Variants in AGMO observed in about 807,000 individuals in gnomAD.
AGMO encodes the protein glyceryl-ether monooxygenase.
Under a neutral mutation model 60.2 loss-of-function variants are expected in AGMO, and 75 were observed. The observed-to-expected ratio is 1.25, with a 90% CI of 1.03 to 1.51. AGMO has a LOEUF of 1.51. AGMO is among the 40% of genes most tolerant of loss of function. The pLI is 0.00. For synonymous variants in AGMO, 261 were observed against 177.1 expected (o/e 1.47, Z -3.76); for missense variants, 763 against 525.5 (o/e 1.45, Z -4.42).
intron 3 of AGMO, among the ~76,000 whole-genome samples, chr7:15,507,383 C>G (rs1783542400): frequency 6.6e-6 from 1 of 151,984 alleles, no homozygotes; most frequent in Non-Finnish European, 1.5e-5. Context: ...ATCTTGTCCA[C>G]AAAGTCAAAC....
At chr7:15,181,831 C>T in the AGMO span, among the ~76,000 whole-genome samples, 2 of 152,096 alleles carry the variant, frequency 1.3e-5, no homozygotes, top group African/African-American at 4.8e-5. Flanking sequence ...TGACATAGAA[C>T]TCAGGGATTT....
intron 3 of AGMO, among the ~76,000 whole-genome samples, chr7:15,536,393 C>A (rs76905828): frequency 1.3e-5 from 2 of 151,804 alleles, no homozygotes; most frequent in Non-Finnish European, 2.9e-5. Context: ...GTACTTTTAC[C>A]AGCATCATCA....
At chr7:15,495,856 CT>C (rs1783213573) in intron 3 of AGMO, among the ~76,000 whole-genome samples, 50 of 145,982 alleles carry the variant, frequency 3.4e-4, no homozygotes, top group South Asian at 2.0e-3. Context: ...TCTCTCTCCT[CT>C]CTCTCTCTCC....
chr7:15,505,219 T>G (rs1783481015), intron 3 of AGMO, among the ~76,000 whole-genome samples: 1 of 152,018 alleles, frequency 6.6e-6, no homozygotes, highest in Admixed American at 6.6e-5. Flanking sequence ...AGAGCTATGA[T>G]GTTTACTTAA....
chr7:15,254,452 G>C (rs1199904370), intron 12 of AGMO, among the ~76,000 whole-genome samples: 1 of 152,024 alleles, frequency 6.6e-6, no homozygotes, highest in Non-Finnish European at 1.5e-5. Flanking sequence ...GGTGATATCT[G>C]ATTGTGGTTT....
At chr7:15,229,110 A>G (rs1583309245) in intron 12 of AGMO, among the ~76,000 whole-genome samples, 1 of 152,206 alleles carries the variant, frequency 6.6e-6, no homozygotes, top group South Asian at 2.1e-4. Context: ...CCCTGCCTCC[A>G]GTTCAACCAA....
At chr7:15,237,853 C>T (rs533288367) in intron 12 of AGMO, among the ~76,000 whole-genome samples, 9 of 152,162 alleles carry the variant, frequency 5.9e-5, no homozygotes, top group African/African-American at 2.2e-4. Flanking sequence ...TATTTCTCTG[C>T]CCCTTTGAAT....
intron 10 of AGMO, among the ~76,000 whole-genome samples, chr7:15,378,800 A>C (rs1334188522): frequency 6.6e-6 from 1 of 151,488 alleles, no homozygotes; most frequent in Non-Finnish European, 1.5e-5. Flanking sequence ...ATTAAAATCC[A>C]ACAGAATTTA....
At chr7:15,140,080 A>G in the AGMO span, among the ~76,000 whole-genome samples, 2 of 151,108 alleles carry the variant, frequency 1.3e-5, no homozygotes, top group Non-Finnish European at 3.0e-5. Flanking sequence ...AGGAAATAAA[A>G]TATAAATTAT....
At chr7:15,218,005 T>A (rs1385616616) in intron 12 of AGMO, among the ~76,000 whole-genome samples, 1 of 151,950 alleles carries the variant, frequency 6.6e-6, no homozygotes, top group South Asian at 2.1e-4. Flanking sequence ...TGACAACGAA[T>A]ATACTGCATA....
chr7:15,494,892 T>C (rs1783182594), intron 3 of AGMO, among the ~76,000 whole-genome samples: 1 of 152,196 alleles, frequency 6.6e-6, no homozygotes, highest in Non-Finnish European at 1.5e-5. Context: ...ACTTACTAAA[T>C]GCAAGTTTTG....
At chr7:15,383,104 C>T (rs1783760046) in intron 10 of AGMO, among the ~76,000 whole-genome samples, 2 of 151,852 alleles carry the variant, frequency 1.3e-5, no homozygotes, top group African/African-American at 4.8e-5. Flanking sequence ...GGACCACATA[C>T]ATAGATTCGT....
chr7:15,309,025 C>T (rs1413616831), intron 12 of AGMO, among the ~76,000 whole-genome samples: 1 of 152,094 alleles, frequency 6.6e-6, no homozygotes, highest in Non-Finnish European at 1.5e-5. Context: ...GCAATTATCC[C>T]AAGTATTCAG....
chr7:15,290,314 A>G (rs989014292), intron 12 of AGMO, among the ~76,000 whole-genome samples: 1 of 152,160 alleles, frequency 6.6e-6, no homozygotes, highest in African/African-American at 2.4e-5. Context: ...GGTGTGAGCC[A>G]CTGCGCCTGG....
the AGMO span, among the ~76,000 whole-genome samples, chr7:15,192,195 A>G: frequency 2.0e-5 from 3 of 152,010 alleles, no homozygotes; most frequent in Admixed American, 6.6e-5. Context: ...CCGTGACCCT[A>G]AATGAGAAGT....
chr7:15,421,199 G>T (rs929680269), intron 4 of AGMO, among the ~76,000 whole-genome samples: 1 of 152,112 alleles, frequency 6.6e-6, no homozygotes, highest in African/African-American at 2.4e-5. Context: ...ACAGACCTCA[G>T]GGAATCCATG....
intron 12 of AGMO, among the ~76,000 whole-genome samples, chr7:15,343,213 T>C (rs76865114): frequency 0.11 from 16,327 of 152,176 alleles, 984 homozygotes; most frequent in Admixed American, 0.19. Flanking sequence ...TCAATTCTTT[T>C]TATTATGCCC....
chr7:15,330,004 A>G (rs1379171451), intron 12 of AGMO, among the ~76,000 whole-genome samples: 1 of 152,150 alleles, frequency 6.6e-6, no homozygotes, highest in East Asian at 1.9e-4. Context: ...AGGAAAAAAT[A>G]ACTAATTTAT....
At chr7:15,515,495 T>G (rs1226578454) in intron 3 of AGMO, among the ~76,000 whole-genome samples, 1 of 152,228 alleles carries the variant, frequency 6.6e-6, no homozygotes, top group African/African-American at 2.4e-5. Context: ...TGTGCTTTGT[T>G]GTCATTCCCG....
Sources: gnomAD v4.1 joint callset for allele counts (sites outside exome capture counted in the v4.1 genomes callset) on GRCh38, gnomAD v4.1.1 for gene constraint, MANE v1.5 for transcripts, NCBI Gene and HGNC (gene_info 2026-07-23, HGNC 2026-07-21) for gene names.